COL11A1: variants seen among roughly 807,000 people sequenced by gnomAD.
The protein encoded by COL11A1 is collagen alpha-1(XI) chain.
A neutral mutation model predicts 265.2 loss-of-function variants in COL11A1; 74 were observed. The observed-to-expected ratio is 0.28, with a 90% CI of 0.23 to 0.34. The LOEUF (loss-of-function observed/expected upper bound fraction) is 0.34. Among genes scored for constraint, COL11A1 ranks in the 10% least tolerant of loss-of-function variants. COL11A1 has a pLI of 1.00. For synonymous variants in COL11A1, 816 were observed against 727.6 expected (o/e 1.12, Z -1.96); for missense variants, 2,165 against 2,263.6 (o/e 0.96, Z 0.88).
intron 7 of COL11A1, 100 bp from the exon 8 acceptor site, chr1:103,023,096 C>T (rs373766882): frequency 2.7e-5 from 34 of 1,280,588 alleles, no homozygotes; most frequent in African/African-American, 8.7e-5. Context: ...TGATGGGATG[C>T]GATTTTGTTA....
intron 44 of COL11A1, among the ~76,000 whole-genome samples, chr1:102,936,775 A>G (rs1658190602): frequency 6.6e-6 from 1 of 152,172 alleles, no homozygotes; most frequent in Admixed American, 6.5e-5. Flanking sequence ...TAATAGCACA[A>G]AAAGCTCACT....
intron 4 of COL11A1, among the ~76,000 whole-genome samples, chr1:103,055,814 C>T (rs1023553821): frequency 2.0e-5 from 3 of 152,210 alleles, no homozygotes; most frequent in South Asian, 2.1e-4. Context: ...AACGATTGGA[C>T]ACCTCTGGTA....
rs867865609 is a variant in COL11A1, at chr1:102,976,256, T to C, written c.2755-1373A>G. On this transcript the variant is annotated intron_variant, in intron 35 of 66. Transcript: ENST00000370096. Reference sequence around the variant, plus strand: ...TTACTTTAAAATAAAAATGAAAAATTGAGTCTTTATAAAATTTCACAGAAA... The same window carrying C: ...TTACTTTAAAATAAAAATGAAAAATCGAGTCTTTATAAAATTTCACAGAAA... Among the ~76,000 whole-genome samples, 30 of 149,172 alleles carry C rather than the reference T, an allele frequency of 2.0e-4. 1 individual carries two copies. Among genetic ancestry groups the C allele is most frequent in the African/African-American group, 6.9e-4 (28 of 40,700 alleles).
chr1:102,970,042 G>C lies in COL11A1; in HGVS notation c.2862+177C>G, dbSNP rs964237406. ...TCCTATTTCCTGAAGTATATTTCTT[G>C]TATCTATTTTTGTATTTATATATAT... is the stretch of plus-strand genomic sequence containing the variant. On this transcript the variant is annotated intron_variant, in intron 37 of 66. Coordinates refer to ENST00000370096, the MANE Select transcript of COL11A1 (RefSeq NM_001854.4). Among the ~76,000 whole-genome samples the C allele has an allele frequency of 1.3e-5, 2 of 150,122 alleles. 1 individual carries two copies. Among genetic ancestry groups the C allele is most frequent in the East Asian group, 3.9e-4 (2 of 5,170 alleles).
At chr1:102,941,780 C>A (rs374495797) in intron 42 of COL11A1, among the ~76,000 whole-genome samples, 8 of 152,100 alleles carry the variant, frequency 5.3e-5, no homozygotes, top group African/African-American at 7.2e-5. Flanking sequence ...ATATGAGTAA[C>A]CTGAGTTTGC....
At chr1:103,084,520 A>G (rs1672699896) in intron 1 of COL11A1, among the ~76,000 whole-genome samples, 1 of 152,128 alleles carries the variant, frequency 6.6e-6, no homozygotes, top group African/African-American at 2.4e-5. Flanking sequence ...AGCCATAAAA[A>G]GGAAAGAAGT....
chr1:102,931,459 A>C (rs1657430666), intron 46 of COL11A1, among the ~76,000 whole-genome samples: 2 of 152,064 alleles, frequency 1.3e-5, no homozygotes, highest in Admixed American at 1.3e-4. Flanking sequence ...TCTGAGAGAT[A>C]GTTTGTTATA....
rs1655996442 is a variant in COL11A1 at position 102,921,579 on chromosome 1, A to T, written c.3655-8T>A. 6.2e-7 allele frequency: 1 copy of T among 1,610,812 alleles called. No individual in the cohort carries two copies. The highest frequency in any genetic ancestry group is 8.5e-7 in the Non-Finnish European group (1 of 1,178,284). On this transcript the variant is annotated splice_polypyrimidine_tract_variant and splice_region_variant and intron_variant, in intron 47 of 66. Coordinates refer to ENST00000370096, the MANE Select transcript of COL11A1 (RefSeq NM_001854.4). ...TGGAGGACCAGGTGGCCCCTGTAAGAGAGAAATATTGAGGTTTACAAAGAC... is the reference window on the plus strand; with the variant it reads ...TGGAGGACCAGGTGGCCCCTGTAAGTGAGAAATATTGAGGTTTACAAAGAC...
At chr1:103,047,069 G>A (rs987972653) in intron 4 of COL11A1, among the ~76,000 whole-genome samples, 6 of 152,242 alleles carry the variant, frequency 3.9e-5, no homozygotes, top group African/African-American at 1.4e-4. Context: ...TTTTGGCTTG[G>A]GATTGACTTG....
At chr1:103,022,699 A>G in intron 8 of COL11A1, 43 bp downstream of exon 8, 1 of 1,611,752 alleles carries the variant, frequency 6.2e-7, no homozygotes, top group Non-Finnish European at 8.5e-7. Flanking sequence ...AAAATATCCC[A>G]TAAATAAGAC....
intron 37 of COL11A1, among the ~76,000 whole-genome samples, chr1:102,969,767 A>G (rs979864222): frequency 6.6e-6 from 1 of 152,212 alleles, no homozygotes; most frequent in African/African-American, 2.4e-5. Flanking sequence ...GATGGGTCCA[A>G]TATCAGCAAG....
At chr1:103,005,417 T>A (rs572046307) in intron 18 of COL11A1, among the ~76,000 whole-genome samples, 1 of 152,154 alleles carries the variant, frequency 6.6e-6, no homozygotes. Flanking sequence ...AAAAATAATA[T>A]AGTGCCTAGT....
At chr1:103,082,737 T>C in intron 2 of COL11A1, 68 bp downstream of exon 2, 1 of 1,345,282 alleles carries the variant, frequency 7.4e-7, no homozygotes, top group South Asian at 1.2e-5. Context: ...CTAAAAGTAG[T>C]TTTAGTAGTA....
intron 14 of COL11A1, among the ~76,000 whole-genome samples, chr1:103,011,071 C>T (rs1666087960): frequency 6.6e-6 from 1 of 152,112 alleles, no homozygotes; most frequent in Non-Finnish European, 1.5e-5. Context: ...CAACCTGGTG[C>T]ACGTATTAAA....
intron 11 of COL11A1, among the ~76,000 whole-genome samples, chr1:103,016,768 T>G (rs1292161176): frequency 6.6e-6 from 1 of 152,004 alleles, no homozygotes; most frequent in Non-Finnish European, 1.5e-5. Flanking sequence ...CTGTACAAGT[T>G]TCAAGGAACT....
chr1:102,901,398 T>C (rs1039801094), intron 54 of COL11A1, among the ~76,000 whole-genome samples: 1 of 151,860 alleles, frequency 6.6e-6, no homozygotes, highest in African/African-American at 2.4e-5. Context: ...TCCACCATGG[T>C]ATGACACTGC....
At chr1:102,983,826 G>T (rs1212425671) in intron 31 of COL11A1, among the ~76,000 whole-genome samples, 1 of 149,878 alleles carries the variant, frequency 6.7e-6, no homozygotes, top group African/African-American at 2.5e-5. Flanking sequence ...GAAATCAAAA[G>T]CCGTTATGCA....
chr1:102,897,978 T>A lies in COL11A1; in HGVS notation c.4302+147A>T, dbSNP rs952194995. The A allele has an allele frequency of 1.0e-4, 37 of 361,102 alleles. 1 individual carries two copies. In the Admixed American group the frequency reaches 1.6e-3, roughly 15 times the overall value. 22.4% of individuals were successfully genotyped at this position (361,102 alleles called of 1,614,324 possible). Reference sequence around the variant, plus strand: ...CCATATACCTATCAGTTAGGATTACTTTCCTCTAAGACAAAATAATATACT... The same window carrying A: ...CCATATACCTATCAGTTAGGATTACATTCCTCTAAGACAAAATAATATACT... On this transcript the variant is annotated intron_variant, in intron 57 of 66. Coordinates refer to ENST00000370096, the MANE Select transcript of COL11A1 (RefSeq NM_001854.4).
chr1:102,998,272 T>C (rs370770496), intron 25 of COL11A1, 38 bp downstream of exon 25: 78 of 1,527,836 alleles, frequency 5.1e-5, no homozygotes, highest in East Asian at 3.4e-4. Context: ...TTAAAGATAA[T>C]GTAAAGAAAT....
Sources: gnomAD v4.1 joint callset for allele counts (sites outside exome capture counted in the v4.1 genomes callset) on GRCh38, gnomAD v4.1.1 for gene constraint, MANE v1.5 for transcripts, NCBI Gene and HGNC (gene_info 2026-07-23, HGNC 2026-07-21) for gene names.